Variants in C8A observed in about 807,000 individuals in gnomAD.
C8A encodes the protein complement component C8 alpha chain.
C8A carries 67 observed loss-of-function variants against 65.3 expected under a neutral mutation model. The ratio of observed to expected loss-of-function variants is 1.03; its 90% CI spans 0.84 to 1.26. The LOEUF (loss-of-function observed/expected upper bound fraction) is 1.26. C8A is among the 50% of genes most tolerant of loss of function. The pLI is 0.00. For synonymous variants in C8A, 290 were observed against 259.4 expected, an observed-to-expected ratio of 1.12 and a Z score of -1.13; for missense variants, 781 against 723.9, an observed-to-expected ratio of 1.08 and a Z score of -0.90.
intron 9 of C8A, among the ~76,000 whole-genome samples, chr1:56,911,626 C>T (rs187679785): frequency 1.3e-5 from 2 of 152,312 alleles, no homozygotes; most frequent in African/African-American, 4.8e-5. Context: ...GCTAAACAGC[C>T]TACAATACAA....
At chr1:56,877,623 G>A (rs1456180023) in intron 4 of C8A, among the ~76,000 whole-genome samples, 1 of 152,156 alleles carries the variant, frequency 6.6e-6, no homozygotes, top group Admixed American at 6.5e-5. Context: ...TTCTGACTCA[G>A]CTTTTTCATC....
chr1:56,893,857 C>A (rs990650923), intron 7 of C8A, among the ~76,000 whole-genome samples: 1 of 152,070 alleles, frequency 6.6e-6, no homozygotes. Context: ...CTATCTCCAC[C>A]CTTTATCAGT....
chr1:56,890,745 C>T (rs1419552085), intron 7 of C8A, among the ~76,000 whole-genome samples: 2 of 152,110 alleles, frequency 1.3e-5, no homozygotes, highest in Non-Finnish European at 2.9e-5. Context: ...TTTGCCGGAA[C>T]CACCCTTTCC....
At chr1:56,917,215 T>A (rs574007631) in intron 10 of C8A, among the ~76,000 whole-genome samples, 1 of 152,336 alleles carries the variant, frequency 6.6e-6, no homozygotes, top group South Asian at 2.1e-4. Flanking sequence ...GCTGGCTACC[T>A]GAAGGCATTT....
rs1421501570 is a variant in C8A at position 56,862,429 on chromosome 1, G to C, written c.78-5180G>C. On this transcript the variant is annotated intron_variant, in intron 1 of 10. Coordinates refer to ENST00000361249, the MANE Select transcript of C8A (RefSeq NM_000562.3). ...AATGCCAGGTTATGCAAATTAAAAT[G>C]CAGAAACTCTCTGAACCTTCAATAT... Among the ~76,000 whole-genome samples the C allele has an allele frequency of 3.3e-5, 5 of 152,152 alleles. No homozygotes were observed. The East Asian group carries it at 9.6e-4, about 29-fold the overall frequency.
chr1:56,894,511 C>A (rs920488512), intron 7 of C8A, among the ~76,000 whole-genome samples: 17 of 152,138 alleles, frequency 1.1e-4, no homozygotes, highest in Non-Finnish European at 2.2e-4. Flanking sequence ...ACCCTTCCAG[C>A]AAGAGTTCAG....
Position 56,860,163 on chromosome 1 carries a change from G to A in C8A, c.77+5185G>A, listed in dbSNP as rs1293024368. Among the ~76,000 whole-genome samples the A allele has an allele frequency of 3.3e-5, 5 of 152,288 alleles. No individual in the cohort carries two copies. The South Asian group carries it at 8.3e-4, about 25-fold the overall frequency. ...AGAGCAATCTAAAGACAGGCTGATT[G>A]AGGGAATTTTCTGTAAAGATGGCAT... is the stretch of plus-strand genomic sequence containing the variant. On this transcript the variant is annotated intron_variant, in intron 1 of 10. Coordinates refer to ENST00000361249, the MANE Select transcript of C8A (RefSeq NM_000562.3).
At chr1:56,917,504 A>G (rs1451659132) in intron 10 of C8A, 61 bp from the exon 11 acceptor site, 9 of 1,584,412 alleles carry the variant, frequency 5.7e-6, no homozygotes, top group African/African-American at 1.3e-5. Flanking sequence ...TCATCACCAG[A>G]CAGGCCCTTC....
intron 2 of C8A, 80 bp downstream of exon 2, chr1:56,867,782 A>C: frequency 1.9e-6 from 2 of 1,052,706 alleles, no homozygotes; most frequent in Non-Finnish European, 1.5e-6. Context: ...TAAGCAGTCC[A>C]CTATGTCTAG....
At chr1:56,885,333 T>TATATTTACATAAATATTTATTTAAATAG in intron 6 of C8A, among the ~76,000 whole-genome samples, 1 of 135,960 alleles carries the variant, frequency 7.4e-6, no homozygotes, top group African/African-American at 2.7e-5. Context: ...TATTTAAATA[T>TATATTTACATAAATATTTATTTAAATAG]ATATTTACAT....
chr1:56,912,698 G>T, intron 10 of C8A, 73 bp downstream of exon 10: 1 of 1,406,578 alleles, frequency 7.1e-7, no homozygotes. Context: ...AGGACTTTTG[G>T]GGTTCCCGGC....
chr1:56,916,314 G>A (rs1406309628), intron 10 of C8A, among the ~76,000 whole-genome samples: 2 of 152,218 alleles, frequency 1.3e-5, no homozygotes, highest in African/African-American at 4.8e-5. Context: ...TGGACATCAG[G>A]TGGCCTTGGG....
intron 2 of C8A, 25 bp downstream of exon 2, chr1:56,867,727 G>A: frequency 1.3e-6 from 2 of 1,561,418 alleles, no homozygotes; most frequent in Non-Finnish European, 1.8e-6. Context: ...ACCGGTTTGG[G>A]GGCATTTCAT....
At chr1:56,874,896 G>GTTGA (rs760474497) in intron 2 of C8A, 53 bp from the exon 3 acceptor site, 1 of 1,605,288 alleles carries the variant, frequency 6.2e-7, no homozygotes, top group African/African-American at 1.3e-5. Flanking sequence ...ACAAGTCTTG[G>GTTGA]TTGATTGATT....
intron 4 of C8A, among the ~76,000 whole-genome samples, chr1:56,877,525 G>A (rs1028947942): frequency 2.0e-5 from 3 of 152,160 alleles, no homozygotes; most frequent in South Asian, 2.1e-4. Flanking sequence ...TCAGAATGAC[G>A]TTCCAGTATT....
chr1:56,883,817 T>C, intron 6 of C8A, 136 bp downstream of exon 6: 2 of 742,800 alleles, frequency 2.7e-6, no homozygotes, highest in Non-Finnish European at 4.4e-6. Context: ...TGATCAGTGG[T>C]AATCAGGTTT....
intron 4 of C8A, among the ~76,000 whole-genome samples, chr1:56,876,665 A>G (rs755582722): frequency 6.6e-6 from 1 of 152,038 alleles, no homozygotes; most frequent in Non-Finnish European, 1.5e-5. Flanking sequence ...AGGGTGAGAC[A>G]GAGAGGGGCT....
At chr1:56,899,244 G>C (rs770634512) in intron 7 of C8A, among the ~76,000 whole-genome samples, 1 of 152,120 alleles carries the variant, frequency 6.6e-6, no homozygotes, top group Non-Finnish European at 1.5e-5. Flanking sequence ...ATATCACTGA[G>C]AACAGCTTCA....
chr1:56,868,530 A>T (rs1046030576), intron 2 of C8A, among the ~76,000 whole-genome samples: 1 of 152,060 alleles, frequency 6.6e-6, no homozygotes, highest in Non-Finnish European at 1.5e-5. Context: ...AGGCAGGAGG[A>T]TCACTTGCGC....
Sources: gnomAD v4.1 joint callset for allele counts (sites outside exome capture counted in the v4.1 genomes callset) on GRCh38, gnomAD v4.1.1 for gene constraint, MANE v1.5 for transcripts, NCBI Gene and HGNC (gene_info 2026-07-23, HGNC 2026-07-21) for gene names.